CSMD1: variants seen among roughly 807,000 people sequenced by gnomAD.
The protein encoded by CSMD1 is CUB and Sushi multiple domains 1.
CSMD1 carries 213 observed loss-of-function variants against 417.5 expected under a neutral mutation model. That is an observed-to-expected ratio of 0.51 (90% CI 0.46 to 0.57). The LOEUF (loss-of-function observed/expected upper bound fraction) is 0.57, where lower values mean the gene tolerates loss of function less well. CSMD1 is among the 20% of genes least tolerant of loss of function. The probability of loss-of-function intolerance (pLI) is 0.00; values close to 1 mark genes in which losing one functional copy is unlikely to be tolerated. For missense variants in CSMD1, 6,923 were observed against 4,529.7 expected, an observed-to-expected ratio of 1.53 and a Z score of -15.17; for synonymous variants, 2,862 against 1,736.8, an observed-to-expected ratio of 1.65 and a Z score of -16.11.
chr8:3,313,341 A>G lies in CSMD1; in HGVS notation c.3632-4838T>C, dbSNP rs191691051. Among the ~76,000 whole-genome samples, 33 of 152,322 alleles carry G rather than the reference A, an allele frequency of 2.2e-4. No homozygotes were observed. The East Asian group carries it at 4.6e-3, about 21-fold the overall frequency. On this transcript the variant is annotated intron_variant, in intron 23 of 69. Coordinates refer to ENST00000635120, the MANE Select transcript of CSMD1 (RefSeq NM_033225.6). ...ATCAGAGTGAACAGGCAACATACAG[A>G]AAGGGAGAAAATTTTTGCAATCTAC... is the stretch of plus-strand genomic sequence containing the variant.
chr8:4,447,501 A>C (rs12549644), intron 2 of CSMD1, among the ~76,000 whole-genome samples: 1 of 152,146 alleles, frequency 6.6e-6, no homozygotes, highest in Non-Finnish European at 1.5e-5. Flanking sequence ...TAAGATGTGA[A>C]TGTTCTTTGG....
chr8:4,956,114 C>T (rs1809092017), intron 1 of CSMD1, among the ~76,000 whole-genome samples: 1 of 152,184 alleles, frequency 6.6e-6, no homozygotes, highest in Non-Finnish European at 1.5e-5. Context: ...CTAAGAACTG[C>T]TAATTACTTT....
chr8:3,946,808 T>C (rs1811260763), intron 5 of CSMD1, among the ~76,000 whole-genome samples: 1 of 152,196 alleles, frequency 6.6e-6, no homozygotes, highest in African/African-American at 2.4e-5. Flanking sequence ...TTACTAAATC[T>C]GTCATATTTT....
At chr8:3,918,148 G>A (rs2627391) in intron 5 of CSMD1, among the ~76,000 whole-genome samples, 4,369 of 152,082 alleles carry the variant, frequency 0.029, 211 homozygotes, top group African/African-American at 0.1. Flanking sequence ...TACTGCTCCA[G>A]TAAACATGGG....
At chr8:4,688,446 G>C (rs375850497) in intron 1 of CSMD1, among the ~76,000 whole-genome samples, 1 of 151,968 alleles carries the variant, frequency 6.6e-6, no homozygotes, top group Non-Finnish European at 1.5e-5. Context: ...CCATCTCCCC[G>C]GGTCCCTGCT....
At position 3,600,760 on chromosome 8, in the gene CSMD1, G is replaced by C. The variant is rs564774212; in HGVS notation, c.1098-14500C>G. On this transcript the variant is annotated intron_variant, in intron 8 of 69. Coordinates refer to ENST00000635120, the MANE Select transcript of CSMD1 (RefSeq NM_033225.6). ...TATCCCCACTCTATCACAGGATTCA[G>C]TCATAAATAGCAGTCATTGTTCTTC... Among the ~76,000 whole-genome samples, 10 of 152,176 alleles carry C rather than the reference G, an allele frequency of 6.6e-5. No homozygotes were observed. In the South Asian group the frequency reaches 2.1e-3, roughly 32 times the overall value.
intron 63 of CSMD1, among the ~76,000 whole-genome samples, chr8:2,956,629 AGTT>A: frequency 6.6e-6 from 1 of 151,428 alleles, no homozygotes; most frequent in East Asian, 2.0e-4. Context: ...AATTTTTTGT[AGTT>A]TTTTTAGTAG....
rs1421482758 is a variant in CSMD1, at chr8:4,841,387, C to A, written c.85+152945G>T. Among the ~76,000 whole-genome samples the A allele has an allele frequency of 4.6e-5, 7 of 152,268 alleles. No individual in the cohort carries two copies. The East Asian group carries it at 1.4e-3, about 29-fold the overall frequency. On this transcript the variant is annotated intron_variant, in intron 1 of 69. Transcript: ENST00000635120. ...CCACTGAGCTTCTTGAAGGCAGGGA[C>A]CACACCTTTTCTGCCCTTTTTATTC... is the stretch of plus-strand genomic sequence containing the variant.
At chr8:4,400,260 G>C (rs970752506) in intron 3 of CSMD1, among the ~76,000 whole-genome samples, 1 of 152,172 alleles carries the variant, frequency 6.6e-6, no homozygotes, top group East Asian at 1.9e-4. Flanking sequence ...TGGCTCTCTG[G>C]TTTAATGAAT....
intron 10 of CSMD1, among the ~76,000 whole-genome samples, chr8:3,534,961 A>G (rs1373619464): frequency 1.3e-5 from 2 of 152,064 alleles, no homozygotes; most frequent in Non-Finnish European, 2.9e-5. Context: ...TTATTTATTT[A>G]TTTATTGACA....
intron 1 of CSMD1, among the ~76,000 whole-genome samples, chr8:4,822,557 C>G (rs996890932): frequency 6.6e-6 from 1 of 151,964 alleles, no homozygotes; most frequent in African/African-American, 2.4e-5. Context: ...AAACTATGTG[C>G]AGGAAAAATT....
At chr8:4,256,926 C>A in intron 3 of CSMD1, among the ~76,000 whole-genome samples, 1 of 152,146 alleles carries the variant, frequency 6.6e-6, no homozygotes, top group East Asian at 1.9e-4. Flanking sequence ...TATTTTCCTT[C>A]CGCTTTCCCT....
At chr8:4,095,745 T>C (rs1053834734) in intron 3 of CSMD1, among the ~76,000 whole-genome samples, 16 of 152,250 alleles carry the variant, frequency 1.1e-4, no homozygotes, top group Admixed American at 7.9e-4. Flanking sequence ...CGTAGTTTTA[T>C]TTCTCTACAT....
chr8:3,906,240 C>T (rs542454974), intron 5 of CSMD1, among the ~76,000 whole-genome samples: 1 of 152,064 alleles, frequency 6.6e-6, no homozygotes, highest in Admixed American at 6.5e-5. Context: ...AATGCCATAG[C>T]ATTGCATTAA....
intron 2 of CSMD1, among the ~76,000 whole-genome samples, chr8:4,476,232 A>C (rs914323946): frequency 6.6e-6 from 1 of 152,182 alleles, no homozygotes; most frequent in Admixed American, 6.5e-5. Context: ...TTTTTAAAAA[A>C]AGATATGCTA....
At chr8:4,492,224 G>A (rs1398955809) in intron 2 of CSMD1, among the ~76,000 whole-genome samples, 1 of 152,244 alleles carries the variant, frequency 6.6e-6, no homozygotes, top group African/African-American at 2.4e-5. Flanking sequence ...TGAGCAGCTG[G>A]TACTACAGGC....
At chr8:3,035,093 C>G (rs894670460) in intron 50 of CSMD1, among the ~76,000 whole-genome samples, 1 of 152,044 alleles carries the variant, frequency 6.6e-6, no homozygotes, top group African/African-American at 2.4e-5. Context: ...AGCCTGAGTA[C>G]CTCTGTGCTG....
chr8:4,186,834 G>GA (rs11406651), intron 3 of CSMD1, among the ~76,000 whole-genome samples: 24,188 of 144,902 alleles, frequency 0.17, 2,175 homozygotes, highest in East Asian at 0.28. Context: ...TAAAAATACA[G>GA]AAAAAAAAAA....
intron 5 of CSMD1, among the ~76,000 whole-genome samples, chr8:3,983,825 C>T (rs1585078132): frequency 6.6e-6 from 1 of 152,088 alleles, no homozygotes; most frequent in Non-Finnish European, 1.5e-5. Flanking sequence ...CTCCAGAGCA[C>T]CTGGCAGATC....
Sources: allele counts gnomAD v4.1 joint callset (sites outside exome capture counted in the v4.1 genomes callset), GRCh38; gene constraint gnomAD v4.1.1; transcripts MANE v1.5; gene names NCBI Gene and HGNC (gene_info 2026-07-23, HGNC 2026-07-21).